Variants in BTD observed in about 807,000 individuals in gnomAD.
The protein encoded by BTD is biotinidase, also known as biocytinase.
BTD carries 13 observed loss-of-function variants against 17.7 expected under a neutral mutation model. The ratio of observed to expected loss-of-function variants is 0.74; its 90% CI spans 0.48 to 1.17. The LOEUF is 1.17. BTD is among the 50% of genes most tolerant of loss of function. BTD has a pLI of 0.00. For missense variants in BTD, 674 were observed against 650.4 expected (o/e 1.04, Z -0.39); for synonymous variants, 240 against 245.2 (o/e 0.98, Z 0.20).
rs1166336621 is a variant in BTD, at chr3:15,648,227, C to T, written c.*2739C>T. Among the ~76,000 whole-genome samples, 3 of 151,960 alleles carry T rather than the reference C, an allele frequency of 2.0e-5. No individual in the cohort carries two copies. On this transcript the variant is annotated 3_prime_UTR_variant, in exon 4 of 4. Transcript: ENST00000643237. The stretch of plus-strand genomic sequence containing the variant: ...CTCAGAACCGCTCAAGTGAAATGAC[C>T]ACTCAAAGAACAATTTCTCAACAAA...
At chr3:15,686,400 T>C in intron 3 of BTD, 1 of 1,036,102 alleles carries the variant, frequency 9.7e-7, no homozygotes. Flanking sequence ...GAATTTACTT[T>C]TGGGATAGTT....
At chr3:15,602,158 C>T in intron 1 of BTD, 1 of 1,407,784 alleles carries the variant, frequency 7.1e-7, no homozygotes, top group Non-Finnish European at 9.2e-7. Context: ...TTGTAGCGCA[C>T]GTTACTTAAA....
chr3:15,678,507 T>G (rs2067197263), intron 3 of BTD, among the ~76,000 whole-genome samples: 1 of 152,234 alleles, frequency 6.6e-6, no homozygotes, highest in East Asian at 1.9e-4. Context: ...TCAATGGAGC[T>G]TACTAATTTC....
chr3:15,601,655 T>G, upstream of BTD: 1 of 1,553,554 alleles, frequency 6.4e-7, no homozygotes, highest in Non-Finnish European at 8.7e-7. Flanking sequence ...GAGGTGAGAA[T>G]GTAAACACGC....
At chr3:15,636,752 A>C (rs574680152) in intron 2 of BTD, among the ~76,000 whole-genome samples, 46 of 128,372 alleles carry the variant, frequency 3.6e-4, no homozygotes, top group Non-Finnish European at 6.0e-4. Context: ...TTAGTCTATA[A>C]TATATATACA....
chr3:15,696,284 C>T, intron 3 of BTD: 1 of 1,293,032 alleles, frequency 7.7e-7, no homozygotes, highest in Non-Finnish European at 1.1e-6. Flanking sequence ...AATCCTAAAT[C>T]CTGCATATTA....
chr3:15,639,880 C>T (rs1316399389), intron 2 of BTD, among the ~76,000 whole-genome samples: 7 of 152,184 alleles, frequency 4.6e-5, no homozygotes, highest in South Asian at 2.1e-4. Flanking sequence ...GGGTCCAAAG[C>T]GGGCGGATCA....
intron 1 of BTD, among the ~76,000 whole-genome samples, chr3:15,630,297 G>A (rs546030302): frequency 1.3e-5 from 2 of 152,254 alleles, no homozygotes; most frequent in East Asian, 1.9e-4. Flanking sequence ...GGTCACATGC[G>A]TAGCCACTTG....
At chr3:15,620,049 C>G (rs941740521) in intron 1 of BTD, among the ~76,000 whole-genome samples, 1 of 152,194 alleles carries the variant, frequency 6.6e-6, no homozygotes, top group Non-Finnish European at 1.5e-5. Flanking sequence ...AGCAGAACCA[C>G]TGATAAGGGT....
At chr3:15,708,009 C>T (rs763041699) in intron 3 of BTD, 9 of 1,611,094 alleles carry the variant, frequency 5.6e-6, no homozygotes, top group Non-Finnish European at 5.1e-6. Context: ...CCTGATCCCA[C>T]AAGAGCAAAC....
At chr3:15,714,264 C>T (rs918322097), downstream of BTD, among the ~76,000 whole-genome samples, 9 of 151,898 alleles carry the variant, frequency 5.9e-5, no homozygotes, top group African/African-American at 2.2e-4. Context: ...ATACAGAGTA[C>T]ACACATTAAT....
At chr3:15,714,750 A>G, downstream of BTD, 1 of 815,370 alleles carries the variant, frequency 1.2e-6, no homozygotes, top group Non-Finnish European at 1.8e-6. Context: ...CTTTATTTTT[A>G]TAACTATTTT....
chr3:15,698,778 A>G (rs1056827274), intron 3 of BTD, among the ~76,000 whole-genome samples: 1 of 152,200 alleles, frequency 6.6e-6, no homozygotes, highest in Admixed American at 6.5e-5. Flanking sequence ...ATGCTCATGG[A>G]CAGGAAGAAT....
At chr3:15,623,787 C>T (rs1208334155) in intron 1 of BTD, among the ~76,000 whole-genome samples, 5 of 152,178 alleles carry the variant, frequency 3.3e-5, no homozygotes, top group Non-Finnish European at 5.9e-5. Flanking sequence ...ACTTAGCTCT[C>T]TCCATCTTCT....
intron 3 of BTD, among the ~76,000 whole-genome samples, chr3:15,642,997 A>G (rs2065567838): frequency 6.7e-6 from 1 of 149,056 alleles, no homozygotes; most frequent in Admixed American, 6.8e-5. Context: ...ACTGCATTCC[A>G]GCCTGGACAA....
chr3:15,707,393 C>T (rs1159445693), intron 3 of BTD, among the ~76,000 whole-genome samples: 3 of 152,160 alleles, frequency 2.0e-5, no homozygotes, highest in African/African-American at 4.8e-5. Context: ...TTTACTTATT[C>T]TGCCATCTAA....
chr3:15,713,737 A>T, downstream of BTD: 1 of 645,926 alleles, frequency 1.5e-6, no homozygotes, highest in East Asian at 3.0e-5. Context: ...TCACATACAA[A>T]CTAATAGATA....
intron 3 of BTD, among the ~76,000 whole-genome samples, chr3:15,687,898 A>G (rs1025009189): frequency 1.3e-5 from 2 of 152,332 alleles, no homozygotes; most frequent in South Asian, 2.1e-4. Flanking sequence ...CCAAACAGCA[A>G]GCACAGCATC....
intron 3 of BTD, among the ~76,000 whole-genome samples, chr3:15,678,022 C>T (rs569893209): frequency 2.6e-5 from 4 of 152,150 alleles, no homozygotes; most frequent in Non-Finnish European, 5.9e-5. Context: ...GTAAAGTAGA[C>T]TCCTCAATAG....
Sources: allele counts gnomAD v4.1 joint callset (sites outside exome capture counted in the v4.1 genomes callset), GRCh38; gene constraint gnomAD v4.1.1; transcripts MANE v1.5; gene names NCBI Gene and HGNC (gene_info 2026-07-23, HGNC 2026-07-21).